Variants in TIA1 observed in about 807,000 individuals in gnomAD.
TIA1 encodes the protein cytotoxic granule associated RNA binding protein TIA1.
TIA1 carries 23 observed loss-of-function variants against 65.9 expected under a neutral mutation model. The ratio of observed to expected loss-of-function variants is 0.35; its 90% CI spans 0.25 to 0.49. The LOEUF is 0.49. Among genes scored for constraint, TIA1 ranks in the 20% least tolerant of loss-of-function variants. The pLI, the probability that TIA1 is intolerant of heterozygous loss-of-function variation, is 0.98. For synonymous variants in TIA1, 147 were observed against 149.4 expected (o/e 0.98, Z 0.12); for missense variants, 371 against 477.9 (o/e 0.78, Z 2.09).
At chr2:70,246,535 G>C (rs1220041332) in intron 1 of TIA1, among the ~76,000 whole-genome samples, 1 of 152,142 alleles carries the variant, frequency 6.6e-6, no homozygotes, top group Non-Finnish European at 1.5e-5. Flanking sequence ...GAGTTTCTTG[G>C]ATGGGGTGTA....
intron 1 of TIA1, among the ~76,000 whole-genome samples, chr2:70,245,391 C>G (rs72902496): frequency 0.069 from 10,564 of 152,210 alleles, 1,148 homozygotes; most frequent in African/African-American, 0.23. Context: ...AACACTCATG[C>G]ATTTGAGAGT....
chr2:70,214,444 A>G lies in TIA1; in HGVS notation c.939T>C (p.Tyr313=), dbSNP rs954154843. 1.9e-6 allele frequency: 3 copies of G among 1,613,950 alleles called. No individual in the cohort carries two copies. Among genetic ancestry groups the G allele is most frequent in the Non-Finnish European group, 2.5e-6 (3 of 1,179,980 alleles). Residue 313 remains tyrosine (Y), a synonymous_variant, in exon 12 of 13, where the codon TAT becomes TAC. Coordinates refer to ENST00000433529, the MANE Select transcript of TIA1 (RefSeq NM_022173.4). ...PQPYGQWGQW[Y]GNAQQIGQYM... ...ACTGGCCAATTTGTTGTGCATTTCC[A>G]TACCACTGGCCCCACTGGCCATAAG...
intron 5 of TIA1, 137 bp downstream of exon 5, chr2:70,228,922 A>G: frequency 6.9e-7 from 1 of 1,458,506 alleles, no homozygotes; most frequent in Non-Finnish European, 9.1e-7. Flanking sequence ...AGAAGGGAGA[A>G]AAGTATTGCT....
chr2:70,244,615 C>T (rs539551153), intron 1 of TIA1, among the ~76,000 whole-genome samples: 6 of 151,788 alleles, frequency 4.0e-5, no homozygotes, highest in African/African-American at 1.5e-4. Flanking sequence ...GCAGGCGGAT[C>T]GCGAGGTCAG....
At chr2:70,235,267 T>C (rs999823167) in intron 2 of TIA1, among the ~76,000 whole-genome samples, 1 of 151,928 alleles carries the variant, frequency 6.6e-6, no homozygotes, top group Non-Finnish European at 1.5e-5. Context: ...AATACAAAAT[T>C]AGCCAGGTGT....
At chr2:70,225,826 T>C (rs1683531166) in intron 6 of TIA1, among the ~76,000 whole-genome samples, 1 of 152,196 alleles carries the variant, frequency 6.6e-6, no homozygotes, top group Admixed American at 6.5e-5. Flanking sequence ...TAGTCTACCC[T>C]AAACTCAAGG....
chr2:70,216,264 T>C lies in TIA1; in HGVS notation c.708A>G (p.Pro236=). The change falls in exon 10 of 13, where the codon CCA becomes CCG. Residue 236 remains proline, a synonymous_variant. Transcript: ENST00000433529. ...CTCGAATTTCCATTATTTGTCCAAATGGTGAAAAAGTCTGACGCATTAGTT... is the reference window on the plus strand; with the variant it reads ...CTCGAATTTCCATTATTTGTCCAAACGGTGAAAAAGTCTGACGCATTAGTT... ...TEQLMRQTFS[P]FGQIMEIRVF... is the part of the protein sequence containing the mutation. The C allele has an allele frequency of 6.3e-7, 1 of 1,596,426 alleles. No individual in the cohort carries two copies. Among genetic ancestry groups the C allele is most frequent in the Non-Finnish European group, 8.5e-7 (1 of 1,175,402 alleles).
At chr2:70,229,200 G>C in intron 4 of TIA1, 64 bp downstream of exon 4, 1 of 1,598,390 alleles carries the variant, frequency 6.3e-7, no homozygotes. Context: ...ATGTTTATAG[G>C]CTTTACAATA....
chr2:70,248,351 C>T lies in TIA1; in HGVS notation c.26+54G>A, dbSNP rs1049430521. On this transcript the variant is annotated intron_variant, in intron 1 of 12. Transcript: ENST00000433529. Reference sequence around the variant, plus strand: ...GCTGGGAGCGGCGCAGGGCCGAGGCCTTCCCTCCGGGACGACCACCATCCC... The same window carrying T: ...GCTGGGAGCGGCGCAGGGCCGAGGCTTTCCCTCCGGGACGACCACCATCCC... 16 of 1,584,842 alleles carry T rather than the reference C, an allele frequency of 1.0e-5. No individual in the cohort carries two copies. In the African/African-American group the frequency reaches 1.6e-4, roughly 16 times the overall value.
rs763516207 is a variant in TIA1 at position 70,211,008 on chromosome 2, C to T, written c.*1711G>A. ...ATAAGGGTATTGGCTTAGAGACCAGCTTGGAGTCATTTGCCCCTACCCGGG... is the reference window on the plus strand; with the variant it reads ...ATAAGGGTATTGGCTTAGAGACCAGTTTGGAGTCATTTGCCCCTACCCGGG... On this transcript the variant is annotated 3_prime_UTR_variant, in exon 13 of 13. Transcript: ENST00000433529. 4 of 152,174 alleles carry T rather than the reference C, an allele frequency of 2.6e-5. No individual in the cohort carries two copies. The highest frequency in any genetic ancestry group is 5.9e-5 in the Non-Finnish European group (4 of 68,038). The allele number at this position is 152,174 out of a possible 1,614,324, so 9.4% of individuals were successfully genotyped here.
chr2:70,226,687 A>G (rs895338904), intron 6 of TIA1, among the ~76,000 whole-genome samples: 1 of 152,190 alleles, frequency 6.6e-6, no homozygotes, highest in Non-Finnish European at 1.5e-5. Context: ...CAGATATTCG[A>G]AAGCAAGCTA....
chr2:70,234,604 C>T (rs933983485), intron 2 of TIA1, among the ~76,000 whole-genome samples: 1 of 152,180 alleles, frequency 6.6e-6, no homozygotes, highest in Non-Finnish European at 1.5e-5. Flanking sequence ...CTCTGTCGCC[C>T]AGGCTGGAGT....
At position 70,211,770 on chromosome 2, in the gene TIA1, G is replaced by A. The variant is rs1448263457; in HGVS notation, c.*949C>T. On this transcript the variant is annotated 3_prime_UTR_variant, in exon 13 of 13. Transcript: ENST00000433529. ...TCATGTCAACTCTGCATGATGCCTT[G>A]AAGGAAATGACATACAAAGTTTGCT... is the stretch of plus-strand genomic sequence containing the variant. 1 of 152,530 alleles carries A rather than the reference G, an allele frequency of 6.6e-6. No individual in the cohort carries two copies. Among genetic ancestry groups the A allele is most frequent in the Non-Finnish European group, 1.5e-5 (1 of 68,022 alleles). The allele number at this position is 152,530 out of a possible 1,614,324, so 9.4% of individuals were successfully genotyped here.
At chr2:70,224,903 C>T (rs935041573) in intron 6 of TIA1, 1 of 1,163,060 alleles carries the variant, frequency 8.6e-7, no homozygotes, top group African/African-American at 1.6e-5. Context: ...AAATATTAAG[C>T]ATGGTGAAAG....
chr2:70,243,184 G>A (rs759867822), intron 1 of TIA1, among the ~76,000 whole-genome samples: 2 of 152,070 alleles, frequency 1.3e-5, no homozygotes, highest in Non-Finnish European at 2.9e-5. Context: ...ATCCCACTTT[G>A]GGAGGCTAAG....
At chr2:70,246,452 T>C (rs940363179) in intron 1 of TIA1, among the ~76,000 whole-genome samples, 5 of 152,208 alleles carry the variant, frequency 3.3e-5, no homozygotes, top group African/African-American at 1.2e-4. Flanking sequence ...TTTGCCTGAC[T>C]AGAAAAATGG....
At chr2:70,243,180 C>T (rs1692669254) in intron 1 of TIA1, among the ~76,000 whole-genome samples, 1 of 152,080 alleles carries the variant, frequency 6.6e-6, no homozygotes, top group Non-Finnish European at 1.5e-5. Context: ...TATAATCCCA[C>T]TTTGGGAGGC....
intron 7 of TIA1, among the ~76,000 whole-genome samples, chr2:70,222,540 G>GT (rs1171225967): frequency 1.3e-5 from 2 of 152,146 alleles, no homozygotes; most frequent in African/African-American, 2.4e-5. Context: ...GTAGCACTGC[G>GT]TAACAGAGCC....
Position 70,214,251 on chromosome 2 carries a change from G to C in TIA1, c.1034+98C>G, listed in dbSNP as rs1055324721. ...AAGGCTATAGTTACGCTTTACATAAGAGGCCCTATTACCCACTAATTCTTA... is the reference window on the plus strand; with the variant it reads ...AAGGCTATAGTTACGCTTTACATAACAGGCCCTATTACCCACTAATTCTTA... On this transcript the variant is annotated intron_variant, in intron 12 of 12. Coordinates refer to ENST00000433529, the MANE Select transcript of TIA1 (RefSeq NM_022173.4). The C allele has an allele frequency of 2.3e-6, 3 of 1,311,464 alleles. No individual in the cohort carries two copies. In the African/African-American group the frequency reaches 4.5e-5, roughly 20 times the overall value. The allele number at this position is 1,311,464 out of a possible 1,614,324, so 81.2% of individuals were successfully genotyped here.
Sources: gnomAD v4.1 joint callset for allele counts (sites outside exome capture counted in the v4.1 genomes callset) on GRCh38, gnomAD v4.1.1 for gene constraint, MANE v1.5 for transcripts, NCBI Gene and HGNC (gene_info 2026-07-23, HGNC 2026-07-21) for gene names.